STK3: variants seen among roughly 807,000 people sequenced by gnomAD.
STK3 encodes serine/threonine kinase 3.
Under a neutral mutation model 58.0 loss-of-function variants are expected in STK3, and 41 were observed. The observed-to-expected ratio is 0.71, with a 90% CI of 0.55 to 0.92. The LOEUF is 0.92. STK3 is among the 40% of genes least tolerant of loss of function. STK3 has a pLI of 0.00. For synonymous variants in STK3, 170 were observed against 191.0 expected (o/e 0.89, Z 0.91); for missense variants, 479 against 602.7 (o/e 0.79, Z 2.15).
intron 4 of STK3, among the ~76,000 whole-genome samples, chr8:98,731,100 AAGAGT>A (rs1464930931): frequency 6.6e-6 from 1 of 152,164 alleles, no homozygotes; most frequent in Admixed American, 6.5e-5. Context: ...TTAAATTCCT[AAGAGT>A]ATGATAGCAT....
At chr8:98,887,941 C>T (rs1167882186) in intron 1 of STK3, among the ~76,000 whole-genome samples, 1 of 152,114 alleles carries the variant, frequency 6.6e-6, no homozygotes, top group East Asian at 1.9e-4. Flanking sequence ...AGATGCCAGA[C>T]AGTTGGAGAC....
intron 4 of STK3, among the ~76,000 whole-genome samples, chr8:98,744,993 T>C (rs1179771448): frequency 6.6e-6 from 1 of 152,046 alleles, no homozygotes; most frequent in Admixed American, 6.6e-5. Context: ...AGCCAGCCTA[T>C]TGCAAGATAA....
chr8:98,351,079 CA>C, the STK3 span, among the ~76,000 whole-genome samples: 1 of 152,072 alleles, frequency 6.6e-6, no homozygotes, highest in Admixed American at 6.6e-5. Flanking sequence ...AATGTGAGCC[CA>C]AAACTGTATA....
At chr8:98,708,531 G>T (rs1290736010) in intron 4 of STK3, among the ~76,000 whole-genome samples, 1 of 152,030 alleles carries the variant, frequency 6.6e-6, no homozygotes, top group East Asian at 1.9e-4. Context: ...TCAGAGGAGG[G>T]AAAAAGGGGA....
intron 6 of STK3, among the ~76,000 whole-genome samples, chr8:98,696,210 T>C (rs997421307): frequency 2.6e-5 from 4 of 152,260 alleles, no homozygotes; most frequent in African/African-American, 9.6e-5. Context: ...TGATTTTGTA[T>C]CCTGAGACTT....
upstream of STK3, among the ~76,000 whole-genome samples, chr8:98,390,623 G>GT (rs1011655743): frequency 7.9e-5 from 12 of 151,000 alleles, no homozygotes; most frequent in African/African-American, 1.5e-4. Flanking sequence ...TTTGTTTTTT[G>GT]TTTTTTTCCA....
intron 10 of STK3, chr8:98,462,813 G>C (rs977391231): frequency 2.0e-5 from 3 of 152,192 alleles, no homozygotes; most frequent in South Asian, 4.1e-4. Flanking sequence ...TTTATAAAAA[G>C]ATATTTCAAA....
chr8:98,382,783 G>A (rs1241085095), intron 1 of STK3, among the ~76,000 whole-genome samples: 1 of 152,208 alleles, frequency 6.6e-6, no homozygotes, highest in African/African-American at 2.4e-5. Flanking sequence ...CAAGAAACCC[G>A]ATTCCTGAAA....
intron 1 of STK3, chr8:98,905,435 C>T: frequency 2.3e-6 from 3 of 1,304,382 alleles, no homozygotes; most frequent in South Asian, 2.4e-5. Context: ...CCACGTGTAA[C>T]TTGGTTGACG....
At chr8:98,618,792 C>T (rs1050335995) in intron 6 of STK3, among the ~76,000 whole-genome samples, 13 of 147,842 alleles carry the variant, frequency 8.8e-5, no homozygotes. Flanking sequence ...GAACTACAAA[C>T]CACTGCTCAA....
At chr8:98,409,469 C>T (rs1047605640) in intron 3 of STK3, among the ~76,000 whole-genome samples, 8 of 152,238 alleles carry the variant, frequency 5.3e-5, no homozygotes, top group African/African-American at 1.2e-4. Context: ...ACTCTGCCAT[C>T]GACATCTTCC....
At chr8:98,817,935 C>T (rs1007734598) in intron 1 of STK3, among the ~76,000 whole-genome samples, 1 of 152,178 alleles carries the variant, frequency 6.6e-6, no homozygotes, top group African/African-American at 2.4e-5. Context: ...GACTTAAATC[C>T]AAATTCCTTT....
At position 98,372,327 on chromosome 8, in the gene STK3, C is replaced by G. The variant is rs1357968005; in HGVS notation, n.112-649G>C. ...CCCTGGGAAACTAATGCAGAGGGCT[C>G]TTCAGGGCAGCCTCCAAGTTCCAGA... On this transcript the variant is annotated intron_variant and non_coding_transcript_variant, in intron 2 of 2. Coordinates refer to the STK3 transcript ENST00000518704. Among the ~76,000 whole-genome samples, 3 of 152,162 alleles carry G rather than the reference C, an allele frequency of 2.0e-5. No homozygotes were observed. The East Asian group carries it at 5.8e-4, about 29-fold the overall frequency.
At chr8:98,653,407 A>T (rs1414645142) in intron 6 of STK3, among the ~76,000 whole-genome samples, 1 of 152,218 alleles carries the variant, frequency 6.6e-6, no homozygotes, top group Non-Finnish European at 1.5e-5. Context: ...ACACCCTAAT[A>T]TCACAATTAA....
chr8:98,550,974 AT>A (rs1163669898), intron 8 of STK3, among the ~76,000 whole-genome samples: 1 of 152,142 alleles, frequency 6.6e-6, no homozygotes, highest in African/African-American at 2.4e-5. Flanking sequence ...TTCTGCCTAA[AT>A]TTCAATGTCT....
chr8:98,608,154 T>A (rs986323733), intron 6 of STK3, among the ~76,000 whole-genome samples: 1 of 152,164 alleles, frequency 6.6e-6, no homozygotes, highest in Admixed American at 6.5e-5. Flanking sequence ...AGAATATTGC[T>A]CCATCTTAAT....
intron 6 of STK3, among the ~76,000 whole-genome samples, chr8:98,613,780 C>T (rs1393983745): frequency 1.3e-5 from 2 of 151,904 alleles, no homozygotes; most frequent in African/African-American, 4.8e-5. Flanking sequence ...AAATGCAACT[C>T]AATTATATGT....
At chr8:98,473,485 C>T (rs1007785879) in intron 10 of STK3, among the ~76,000 whole-genome samples, 4 of 152,130 alleles carry the variant, frequency 2.6e-5, no homozygotes, top group African/African-American at 9.7e-5. Context: ...GTCACAATTC[C>T]ATCCCTCTTC....
At chr8:98,886,943 C>G (rs917971492) in intron 1 of STK3, among the ~76,000 whole-genome samples, 4 of 151,920 alleles carry the variant, frequency 2.6e-5, no homozygotes, top group Non-Finnish European at 5.9e-5. Context: ...ACTAAAAATA[C>G]AAAAATTAGC....
Sources: allele counts gnomAD v4.1 joint callset (sites outside exome capture counted in the v4.1 genomes callset), GRCh38; gene constraint gnomAD v4.1.1; transcripts MANE v1.5; gene names NCBI Gene and HGNC (gene_info 2026-07-23, HGNC 2026-07-21).